The following PSMD14 variants were observed in gnomAD, a reference collection of about 807,000 sequenced individuals.
PSMD14 encodes ubiquitin C-terminal hydrolase PSMD14.
In PSMD14, 7 loss-of-function variants were observed where a neutral mutation model predicts 41.2. That is an observed-to-expected ratio of 0.17 (90% CI 0.10 to 0.32). The LOEUF is 0.32. Ranked by LOEUF, PSMD14 falls within the 10% of genes least tolerant of loss-of-function variation. The pLI, the probability that PSMD14 is intolerant of heterozygous loss-of-function variation, is 1.00. For synonymous variants in PSMD14, 114 were observed against 122.3 expected (o/e 0.93, Z 0.45); for missense variants, 139 against 375.6 (o/e 0.37, Z 5.21).
intron 3 of PSMD14, among the ~76,000 whole-genome samples, chr2:161,360,624 G>A (rs780472367): frequency 3.9e-5 from 6 of 152,114 alleles, no homozygotes; most frequent in Non-Finnish European, 8.8e-5. Context: ...CAAAGTGCTG[G>A]GATTACAGGC....
intron 3 of PSMD14, among the ~76,000 whole-genome samples, chr2:161,321,629 CTT>C (rs1375668603): frequency 1.3e-5 from 2 of 152,200 alleles, no homozygotes; most frequent in African/African-American, 4.8e-5. Context: ...TGGACTGACA[CTT>C]TAACCTGAGT....
chr2:161,405,942 G>A (rs1338443733), intron 10 of PSMD14, among the ~76,000 whole-genome samples: 2 of 152,122 alleles, frequency 1.3e-5, no homozygotes, highest in Non-Finnish European at 2.9e-5. Flanking sequence ...TAAGGGAATA[G>A]AAGAGAAGAC....
chr2:161,338,330 G>T (rs1160810487), intron 3 of PSMD14, among the ~76,000 whole-genome samples: 2 of 126,904 alleles, frequency 1.6e-5, no homozygotes, highest in Non-Finnish European at 3.2e-5. Flanking sequence ...ATTGTAGGTA[G>T]GGTTAGGAGA....
intron 3 of PSMD14, among the ~76,000 whole-genome samples, chr2:161,359,126 G>T (rs1683252369): frequency 6.6e-6 from 1 of 151,922 alleles, no homozygotes. Flanking sequence ...ACACCACCAT[G>T]CCTGGCAAAT....
intron 3 of PSMD14, among the ~76,000 whole-genome samples, chr2:161,359,995 T>C (rs1241222562): frequency 6.6e-6 from 1 of 152,142 alleles, no homozygotes; most frequent in African/African-American, 2.4e-5. Context: ...TACTTAAGTA[T>C]TATTTGTGTA....
chr2:161,322,472 C>T (rs2105232376), intron 3 of PSMD14, among the ~76,000 whole-genome samples: 1 of 152,292 alleles, frequency 6.6e-6, no homozygotes, highest in East Asian at 1.9e-4. Flanking sequence ...TCACTGCAGT[C>T]TCGCCCTCCT....
intron 9 of PSMD14, among the ~76,000 whole-genome samples, chr2:161,391,865 C>G (rs934399657): frequency 1.1e-4 from 16 of 152,100 alleles, no homozygotes; most frequent in Non-Finnish European, 2.2e-4. Flanking sequence ...TTCTAAAGTG[C>G]TGCAATCATT....
chr2:161,318,097 C>T (rs1312943181), intron 2 of PSMD14, among the ~76,000 whole-genome samples: 1 of 152,122 alleles, frequency 6.6e-6, no homozygotes, highest in Non-Finnish European at 1.5e-5. Context: ...AGTAAATCCA[C>T]TTTGTATTGG....
chr2:161,341,160 G>A (rs964658753), intron 3 of PSMD14: 12 of 1,008,852 alleles, frequency 1.2e-5, no homozygotes, highest in African/African-American at 3.5e-5. Context: ...GGGGCGGGAC[G>A]GCGCCGGGGC....
intron 8 of PSMD14, among the ~76,000 whole-genome samples, chr2:161,389,215 C>T (rs949392191): frequency 3.3e-5 from 5 of 152,142 alleles, no homozygotes; most frequent in African/African-American, 1.2e-4. Flanking sequence ...GTATTGGCTA[C>T]AGCAGTTACT....
intron 7 of PSMD14, among the ~76,000 whole-genome samples, chr2:161,371,981 T>C (rs1284564252): frequency 6.6e-6 from 1 of 151,214 alleles, no homozygotes; most frequent in African/African-American, 2.4e-5. Context: ...TTTTTTTTTA[T>C]TTCTTTCTTT....
chr2:161,389,648 C>A (rs1197961919), intron 8 of PSMD14, among the ~76,000 whole-genome samples: 1 of 151,800 alleles, frequency 6.6e-6, no homozygotes. Context: ...TATTTTAATA[C>A]TCATTGGAGT....
intron 7 of PSMD14, among the ~76,000 whole-genome samples, chr2:161,381,055 G>A (rs1171557556): frequency 6.6e-6 from 1 of 151,750 alleles, no homozygotes; most frequent in African/African-American, 2.4e-5. Flanking sequence ...TTTATATAGT[G>A]ATGGTTTTAT....
At chr2:161,310,885 A>G (rs1489862017) in intron 1 of PSMD14, among the ~76,000 whole-genome samples, 2 of 152,240 alleles carry the variant, frequency 1.3e-5, no homozygotes. Context: ...AGCTGCTTCT[A>G]CCCACCTGCC....
At chr2:161,320,417 G>GT (rs1437138303) in intron 3 of PSMD14, among the ~76,000 whole-genome samples, 1 of 152,048 alleles carries the variant, frequency 6.6e-6, no homozygotes, top group Non-Finnish European at 1.5e-5. Context: ...AAAACTTAAT[G>GT]TTTTTTCAGT....
At chr2:161,327,413 C>A (rs1024812763) in intron 3 of PSMD14, among the ~76,000 whole-genome samples, 1 of 152,090 alleles carries the variant, frequency 6.6e-6, no homozygotes, top group South Asian at 2.1e-4. Context: ...TTTAAAAGTT[C>A]AGTTACCGTA....
At chr2:161,326,249 T>G (rs556279542) in intron 3 of PSMD14, among the ~76,000 whole-genome samples, 1 of 152,262 alleles carries the variant, frequency 6.6e-6, no homozygotes, top group East Asian at 1.9e-4. Flanking sequence ...CGGGCTGGTC[T>G]CGAACTTCTG....
At chr2:161,353,833 C>T (rs762305361) in intron 3 of PSMD14, among the ~76,000 whole-genome samples, 21 of 152,186 alleles carry the variant, frequency 1.4e-4, no homozygotes, top group Non-Finnish European at 2.6e-4. Context: ...TAAATAAAAA[C>T]GTAGATTATT....
At chr2:161,336,775 C>A (rs980236892) in intron 3 of PSMD14, among the ~76,000 whole-genome samples, 1 of 152,124 alleles carries the variant, frequency 6.6e-6, no homozygotes, top group Non-Finnish European at 1.5e-5. Flanking sequence ...GGAGTTTCAC[C>A]ATGTTGGCCA....
Sources: gnomAD v4.1 joint callset for allele counts (sites outside exome capture counted in the v4.1 genomes callset) on GRCh38, gnomAD v4.1.1 for gene constraint, MANE v1.5 for transcripts, NCBI Gene and HGNC (gene_info 2026-07-23, HGNC 2026-07-21) for gene names.